Variants in ARHGAP45 observed in about 807,000 individuals in gnomAD.
ARHGAP45 encodes the protein Rho GTPase activating protein 45, also known as rho GTPase-activating protein 45.
In ARHGAP45, 56 loss-of-function variants were observed where a neutral mutation model predicts 116.1. The observed-to-expected ratio is 0.48, with a 90% CI of 0.39 to 0.60. The LOEUF (loss-of-function observed/expected upper bound fraction) is 0.60. Among genes scored for constraint, ARHGAP45 ranks in the 20% least tolerant of loss-of-function variants. The pLI is 0.00. For synonymous variants in ARHGAP45, 866 were observed against 701.7 expected (o/e 1.23, Z -3.70); for missense variants, 1,622 against 1,601.0 (o/e 1.01, Z -0.22).
chr19:1,071,184 G>T lies in ARHGAP45; in HGVS notation c.422-1965G>T. On this transcript the variant is annotated intron_variant, in intron 2 of 22. Coordinates refer to ENST00000313093, the MANE Select transcript of ARHGAP45 (RefSeq NM_012292.5). The surrounding 1 kb of genome is among the most constrained non-coding windows in gnomAD (Gnocchi z 4.6). The stretch of plus-strand genomic sequence containing the variant: ...CCAGGGCGGGGTTTCCCTCGCGGGG[G>T]CGGGGCCTCCTGACCGGCCGGAGCC... 7.4e-7 allele frequency: 1 copy of T among 1,356,566 alleles called. No homozygotes were observed. Among genetic ancestry groups the T allele is most frequent in the Non-Finnish European group, 9.5e-7 (1 of 1,056,604 alleles). 84.0% of individuals were successfully genotyped at this position (1,356,566 alleles called of 1,614,324 possible). A position where few individuals can be genotyped will look rare whatever the true frequency, so the allele number is the denominator to read the frequency against.
rs143494980 is a variant in ARHGAP45, at chr19:1,081,019, C to G, written c.2145C>G (p.Arg715=). 6.2e-7 allele frequency: 1 copy of G among 1,609,078 alleles called. No homozygotes were observed. Among genetic ancestry groups the G allele is most frequent in the Non-Finnish European group, 8.5e-7 (1 of 1,178,584 alleles). ...LRKLRTPAKC[R]ECNSYVYFQG... ...AGCTCCGCACGCCCGCCAAGTGCCG[C>G]GAGTGCAACAGCTACGTCTACTTCC... The change falls in exon 17 of 23, where the codon CGC becomes CGG. Residue 715 remains arginine, a synonymous_variant. Coordinates refer to ENST00000313093, the MANE Select transcript of ARHGAP45 (RefSeq NM_012292.5).
At chr19:1,078,567 C>A (rs1366312544) in intron 11 of ARHGAP45, among the ~76,000 whole-genome samples, 2 of 151,006 alleles carry the variant, frequency 1.3e-5, no homozygotes, top group Non-Finnish European at 2.9e-5. Flanking sequence ...TGCCACCAAG[C>A]CCAGCTAATT....
intron 21 of ARHGAP45, among the ~76,000 whole-genome samples, chr19:1,083,774 C>T (rs1259169098): frequency 6.6e-6 from 1 of 152,170 alleles, no homozygotes; most frequent in Non-Finnish European, 1.5e-5. Context: ...TAGTTTCGCT[C>T]CTGCTGCCCA....
Position 1,080,878 on chromosome 19 carries a change from T to C in ARHGAP45, c.2018-14T>C. The C allele has an allele frequency of 6.2e-7, 1 of 1,605,418 alleles. No individual in the cohort carries two copies. Among genetic ancestry groups the C allele is most frequent in the Non-Finnish European group, 8.5e-7 (1 of 1,175,226 alleles). ...AGCTGCCTTGGTGACACCGGCTGCC[T>C]GTGCTGCCCGCAGCTGACCTCAACG... On this transcript the variant is annotated splice_polypyrimidine_tract_variant and intron_variant, in intron 16 of 22. Coordinates refer to ENST00000313093, the MANE Select transcript of ARHGAP45 (RefSeq NM_012292.5).
At chr19:1,084,736 G>C (rs115046657) in intron 22 of ARHGAP45, among the ~76,000 whole-genome samples, 38 of 152,182 alleles carry the variant, frequency 2.5e-4, no homozygotes, top group Admixed American at 1.2e-3. Context: ...GCAGCTGGCC[G>C]AGTGCCGCAT....
At chr19:1,076,192 G>A (rs2043243747) in intron 10 of ARHGAP45, among the ~76,000 whole-genome samples, 1 of 152,160 alleles carries the variant, frequency 6.6e-6, no homozygotes, top group Non-Finnish European at 1.5e-5. Flanking sequence ...TAGAACTGCT[G>A]GGTCAAGGGG....
chr19:1,077,300 C>T lies in ARHGAP45; in HGVS notation c.1186-557C>T, dbSNP rs2043275052. ...TGTGCAGAGCTTGGCTGCACCTCAG[C>T]TTCCCGGGCTGCAGAGTGGGCACAC... is the stretch of plus-strand genomic sequence containing the variant. On this transcript the variant is annotated intron_variant, in intron 10 of 22. Transcript: ENST00000313093. 9.1e-6 allele frequency: 9 copies of T among 984,936 alleles called. No individual in the cohort carries two copies. In the South Asian group the frequency reaches 3.8e-4, roughly 41 times the overall value. The allele number at this position is 984,936 out of a possible 1,614,324, so 61.0% of individuals were successfully genotyped here. A position where few individuals can be genotyped will look rare whatever the true frequency, so the allele number is the denominator to read the frequency against.
intron 10 of ARHGAP45, among the ~76,000 whole-genome samples, 154 bp downstream of exon 10, chr19:1,075,033 C>CCCCG (rs1555706882): frequency 2.3e-5 from 3 of 133,200 alleles, no homozygotes; most frequent in African/African-American, 7.9e-5. Flanking sequence ...GGCCGCCCCC[C>CCCCG]CCAACGCCAA....
chr19:1,068,497 C>T lies in ARHGAP45; in HGVS notation c.174C>T (p.Ala58=), dbSNP rs2043080453. Residue 58 remains alanine, a synonymous_variant, in exon 2 of 23, where the codon GCC becomes GCT. Coordinates refer to ENST00000313093, the MANE Select transcript of ARHGAP45 (RefSeq NM_012292.5). This position sits in a 1 kb window ranked among gnomAD's most constrained non-coding sequence, Gnocchi z 7.5. ...CCGCTGGGTCCTCCGGCGTCAAGGCCACAGGGACCCTCAAGCGGCCCACCA... is the reference window on the plus strand; with the variant it reads ...CCGCTGGGTCCTCCGGCGTCAAGGCTACAGGGACCCTCAAGCGGCCCACCA... ...EPPAGSSGVK[A]TGTLKRPTSL... 2 of 1,596,060 alleles carry T rather than the reference C, an allele frequency of 1.3e-6. No homozygotes were observed. The highest frequency in any genetic ancestry group is 1.1e-5 in the South Asian group (1 of 89,074).
Position 1,071,398 on chromosome 19 carries a change from C to T in ARHGAP45, c.422-1751C>T. ...GCCGGGCGCTGGGTCCCGCCGCGTCCGGGAGCACGTGGCGCTCGGGCCGTT... is the reference window on the plus strand; with the variant it reads ...GCCGGGCGCTGGGTCCCGCCGCGTCTGGGAGCACGTGGCGCTCGGGCCGTT... On this transcript the variant is annotated intron_variant, in intron 2 of 22. Coordinates refer to ENST00000313093, the MANE Select transcript of ARHGAP45 (RefSeq NM_012292.5). This position sits in a 1 kb window ranked among gnomAD's most constrained non-coding sequence, Gnocchi z 4.6. 7.7e-6 allele frequency: 9 copies of T among 1,167,358 alleles called. No homozygotes were observed. The highest frequency in any genetic ancestry group is 9.5e-6 in the Non-Finnish European group (9 of 944,870). The allele number at this position is 1,167,358 out of a possible 1,614,324, so 72.3% of individuals were successfully genotyped here.
intron 2 of ARHGAP45, among the ~76,000 whole-genome samples, chr19:1,070,382 G>C (rs1345987182): frequency 7.2e-6 from 1 of 139,094 alleles, no homozygotes; most frequent in Non-Finnish European, 1.5e-5. Context: ...CCAGGCTGGA[G>C]TGCAGGGGCG....
rs371129613 is a variant in ARHGAP45 at position 1,074,444 on chromosome 19, G to GC, written c.993+40dup. On this transcript the variant is annotated intron_variant, in intron 8 of 22. Transcript: ENST00000313093. Reference sequence around the variant, plus strand: ...GCGGGCACGGGGCGGGGGTCCCTGGGCCCGGGTGTGAGTCTCAGCCCCATT... The same window carrying GC: ...GCGGGCACGGGGCGGGGGTCCCTGGGCCCCGGGTGTGAGTCTCAGCCCCATT... 9.1e-4 allele frequency: 1,345 copies of GC among 1,479,476 alleles called. 8 individuals are homozygous for GC. In the African/African-American group the frequency reaches 0.017, roughly 18 times the overall value. The allele number at this position is 1,479,476 out of a possible 1,614,324, so 91.6% of individuals were successfully genotyped here.
chr19:1,075,032 C>CCCT (rs1555706876), intron 10 of ARHGAP45, among the ~76,000 whole-genome samples, 153 bp downstream of exon 10: 1 of 132,970 alleles, frequency 7.5e-6, no homozygotes, highest in African/African-American at 2.6e-5. Flanking sequence ...GGGCCGCCCC[C>CCCT]CCCAACGCCA....
chr19:1,084,612 G>GGCTCCAGGT (rs2043547124), intron 22 of ARHGAP45, among the ~76,000 whole-genome samples: 1 of 152,224 alleles, frequency 6.6e-6, no homozygotes, highest in South Asian at 2.1e-4. Flanking sequence ...TGCCTTGTGA[G>GGCTCCAGGT]GCTCCAGGTG....
intron 2 of ARHGAP45, among the ~76,000 whole-genome samples, chr19:1,070,776 G>C (rs900487488): frequency 6.6e-6 from 1 of 152,110 alleles, no homozygotes; most frequent in Non-Finnish European, 1.5e-5. Context: ...GATCCACCGC[G>C]CCCGGCTGGG....
At chr19:1,078,896 C>A (rs113791600) in intron 11 of ARHGAP45, among the ~76,000 whole-genome samples, 45,772 of 150,162 alleles carry the variant, frequency 0.3, 8,725 homozygotes, top group Middle Eastern at 0.42. Context: ...TAAAAAAATT[C>A]TTGGCCGGGC....
At chr19:1,082,742 G>C in intron 19 of ARHGAP45, 98 bp from the exon 20 acceptor site, 1 of 1,081,360 alleles carries the variant, frequency 9.2e-7, no homozygotes, top group African/African-American at 1.6e-5. Flanking sequence ...GGTGTGGCCA[G>C]TGCTCTGTGG....
In ARHGAP45 at chr19:1,083,175, C is replaced by T; in HGVS notation, c.2777C>T (p.Thr926Ile). 6.2e-7 allele frequency: 1 copy of T among 1,610,688 alleles called. No homozygotes were observed. Among genetic ancestry groups the T allele is most frequent in the Non-Finnish European group, 8.5e-7 (1 of 1,179,482 alleles). Residue 926 changes from threonine (T) to isoleucine (I), a missense_variant, in exon 21 of 23, where the codon ACC becomes ATC. Around this residue, in one of 3 missense-constraint regions of ARHGAP45, gnomAD observed 1,334 missense variants for 1,263.8 expected, o/e 1.06. Transcript: ENST00000313093. ...IVEVEQDNKM[T>I]PGNLGIVFGP... ...GAGGTGGAGCAGGACAACAAGATGA[C>T]CCCCGGGAACCTGGGCATCGTGTTC...
rs1191859486 is a variant in ARHGAP45, at chr19:1,081,661, C to G, written c.2302C>G (p.Arg768Gly). 1.9e-6 allele frequency: 3 copies of G among 1,583,160 alleles called. No individual in the cohort carries two copies. The highest frequency in any genetic ancestry group is 8.6e-7 in the Non-Finnish European group (1 of 1,165,428). Residue 768 changes from arginine to glycine, a missense_variant, in exon 18 of 23, where the codon CGC becomes GGC. By Grantham distance (125) the Arg-to-Gly change is moderately radical. Around this residue, in one of 3 missense-constraint regions of ARHGAP45, gnomAD observed 1,334 missense variants for 1,263.8 expected, o/e 1.06. Transcript: ENST00000313093. ...CGGCCAGGACTTCAGCCACGCGGCC[C>G]GCAGCGCCCCCGACGGCGTGCCCTT... ...LFGQDFSHAA[R>G]SAPDGVPFIV...
Sources: gnomAD v4.1 joint callset for allele counts (sites outside exome capture counted in the v4.1 genomes callset) on GRCh38, gnomAD v4.1.1 for gene constraint, gnomAD v4.1.1 regional missense constraint, Gnocchi (gnomAD v3.1) non-coding constraint, MANE v1.5 for transcripts, NCBI Gene and HGNC (gene_info 2026-07-23, HGNC 2026-07-21) for gene names.